SYNE2: variants seen among roughly 807,000 people sequenced by gnomAD.
SYNE2 encodes the protein spectrin repeat containing nuclear envelope protein 2, also known as nesprin-2.
SYNE2 carries 431 observed loss-of-function variants against 856.3 expected under a neutral mutation model. That is an observed-to-expected ratio of 0.50 (90% CI 0.47 to 0.55). The LOEUF (loss-of-function observed/expected upper bound fraction) is 0.55. Among genes scored for constraint, SYNE2 ranks in the 20% least tolerant of loss-of-function variants. The probability of loss-of-function intolerance (pLI) is 0.00; values close to 1 mark genes in which losing one functional copy is unlikely to be tolerated. For synonymous variants in SYNE2, 2,923 were observed against 2,872.3 expected, an observed-to-expected ratio of 1.02 and a Z score of -0.56; for missense variants, 8,129 against 8,023.2, an observed-to-expected ratio of 1.01 and a Z score of -0.50.
rs778592417 is a variant in SYNE2 at position 64,052,996 on chromosome 14, A to G, written c.9083A>G (p.Glu3028Gly). 6.2e-7 allele frequency: 1 copy of G among 1,611,542 alleles called. No individual in the cohort carries two copies. The highest frequency in any genetic ancestry group is 8.5e-7 in the Non-Finnish European group (1 of 1,179,550). ...TTACAAACCCAAGTATTTGAAAAAG[A>G]AAAGGAACTTGAAGAAAAAATTAAG... is the stretch of plus-strand genomic sequence containing the variant. The part of the protein sequence containing the change: ...DQLQTQVFEK[E>G]KELEEKIKQL... Residue 3028 changes from glutamate to glycine, a missense_variant, in exon 48 of 116, where the codon GAA (glutamate) becomes GGA (glycine). This residue lies in a region of SYNE2 where 5,410 missense variants were observed against 5,284.8 expected (regional missense o/e 1.02). Transcript: ENST00000555002.
At chr14:63,973,111 C>T (rs1029005984) in intron 11 of SYNE2, among the ~76,000 whole-genome samples, 2 of 151,892 alleles carry the variant, frequency 1.3e-5, no homozygotes, top group African/African-American at 2.4e-5. Flanking sequence ...CAAAAATTAG[C>T]CAAGCATGGT....
intron 53 of SYNE2, 131 bp from the exon 54 acceptor site, chr14:64,075,814 A>T (rs749155654): frequency 3.4e-6 from 3 of 891,136 alleles, no homozygotes; most frequent in Non-Finnish European, 5.5e-6. Context: ...AGCTTGTATC[A>T]CTAGTGGGGT....
chr14:63,916,340 T>C (rs1252023172), intron 2 of SYNE2, among the ~76,000 whole-genome samples: 1 of 152,210 alleles, frequency 6.6e-6, no homozygotes, highest in Non-Finnish European at 1.5e-5. Context: ...TGAAACAGTT[T>C]GGTCAGAACT....
rs1204279365 is a variant in SYNE2 at position 64,129,887 on chromosome 14, G to T, written c.14125G>T (p.Val4709Phe). 1 of 1,614,128 alleles carries T rather than the reference G, an allele frequency of 6.2e-7. No homozygotes were observed. The highest frequency in any genetic ancestry group is 8.5e-7 in the Non-Finnish European group (1 of 1,180,024). ...LHLPYALLQE[V>F]YKLEDVLDSM... ...TTTACCTTATGCTTTACTCCAGGAG[G>T]TTTACAAATTAGAGGTATGCCTGAG... Residue 4709 changes from valine (V) to phenylalanine (F), a missense_variant, in exon 75 of 116, where the codon GTT becomes TTT. Transcript: ENST00000555002.
chr14:63,875,076 TGTC>T (rs778920585), intron 1 of SYNE2, among the ~76,000 whole-genome samples: 22 of 152,160 alleles, frequency 1.4e-4, no homozygotes, highest in Non-Finnish European at 2.4e-4. Flanking sequence ...GTTGCTATGT[TGTC>T]CAGGCTGGAG....
chr14:63,876,250 A>C (rs980541663), intron 1 of SYNE2, among the ~76,000 whole-genome samples: 2 of 16,386 alleles, frequency 1.2e-4, no homozygotes, highest in Non-Finnish European at 3.0e-4. Flanking sequence ...CTATCTCTAC[A>C]AAAAAAAAAA....
chr14:64,106,856 G>A (rs7146727), intron 64 of SYNE2, among the ~76,000 whole-genome samples: 13,429 of 152,140 alleles, frequency 0.088, 1,106 homozygotes, highest in African/African-American at 0.22. Flanking sequence ...TGTTAGGGGT[G>A]ATACAAGGAT....
rs774218256 is a variant in SYNE2 at position 64,125,243 on chromosome 14, G to A, written c.13554+33G>A. 3.7e-6 allele frequency: 6 copies of A among 1,613,176 alleles called. No individual in the cohort carries two copies. The African/African-American group carries it at 6.7e-5, about 18-fold the overall frequency. On this transcript the variant is annotated intron_variant, in intron 71 of 115. Transcript: ENST00000555002. ...CTGCACACAATGTGTTTTCCTCATT[G>A]TAATAACATAAACAAAGGAGATATC...
intron 60 of SYNE2, 61 bp downstream of exon 60, chr14:64,091,109 G>T: frequency 2.0e-6 from 3 of 1,488,386 alleles, no homozygotes; most frequent in Non-Finnish European, 2.8e-6. Context: ...AAGCTGGTTT[G>T]GTTTTCACTT....
intron 97 of SYNE2, among the ~76,000 whole-genome samples, chr14:64,187,032 CTGA>C (rs2098495119): frequency 6.6e-6 from 1 of 152,150 alleles, no homozygotes; most frequent in African/African-American, 2.4e-5. Context: ...TCACAGGAAC[CTGA>C]TGTTTATTTC....
rs770408705 is a variant in SYNE2, at chr14:64,027,659, G to C, written c.6580G>C (p.Asp2194His). 1 of 1,614,102 alleles carries C rather than the reference G, an allele frequency of 6.2e-7. No homozygotes were observed. Among genetic ancestry groups the C allele is most frequent in the East Asian group, 2.2e-5 (1 of 44,860 alleles). The change falls in exon 43 of 116, where the codon GAT becomes CAT. Residue 2194 changes from aspartate to histidine, a missense_variant. Asp to His is a moderately conservative substitution (Grantham distance 81, BLOSUM62 -1). Transcript: ENST00000555002. ...TAAGAAATTCCTCAAGAAAGCCCAA[G>C]ATTTGACATCCTTGCTAAAGGAGTT... ...IYKKFLKKAQDLTSLLKELKS... is the reference protein window; with the variant it reads ...IYKKFLKKAQHLTSLLKELKS...
At chr14:63,888,546 G>A (rs34292510) in intron 1 of SYNE2, among the ~76,000 whole-genome samples, 9,315 of 152,242 alleles carry the variant, frequency 0.061, 302 homozygotes, top group Middle Eastern at 0.1. Flanking sequence ...ACAGCACAGA[G>A]CTAAAGCACA....
chr14:63,953,959 G>A (rs964382262), intron 7 of SYNE2, among the ~76,000 whole-genome samples: 1 of 152,042 alleles, frequency 6.6e-6, no homozygotes, highest in African/African-American at 2.4e-5. Flanking sequence ...TGTCACCCAG[G>A]CTGGAGTGCA....
chr14:64,048,103 A>C lies in SYNE2; in HGVS notation c.7325A>C (p.Gln2442Pro). The change falls in exon 46 of 116, where the codon CAA becomes CCA. Residue 2442 changes from glutamine to proline, a missense_variant. By Grantham distance (76) the Gln-to-Pro change is moderately conservative (BLOSUM62 -1). Around this residue, in one of 3 missense-constraint regions of SYNE2, gnomAD observed 5,410 missense variants for 5,284.8 expected, o/e 1.02. Coordinates refer to ENST00000555002, the MANE Select transcript of SYNE2 (RefSeq NM_182914.3). ...DERKVNELQN[Q>P]PLELDTMLRN... ...CGGAAAGTCAATGAGCTGCAAAATCAACCTTTAGAATTAGATACTATGTTA... is the reference window on the plus strand; with the variant it reads ...CGGAAAGTCAATGAGCTGCAAAATCCACCTTTAGAATTAGATACTATGTTA... 6.2e-7 allele frequency: 1 copy of C among 1,613,700 alleles called. No homozygotes were observed. Among genetic ancestry groups the C allele is most frequent in the Non-Finnish European group, 8.5e-7 (1 of 1,179,750 alleles).
chr14:63,861,528 T>C (rs1255561281), intron 1 of SYNE2, among the ~76,000 whole-genome samples: 7 of 148,754 alleles, frequency 4.7e-5, no homozygotes. Flanking sequence ...CTGTAGCATA[T>C]GCCTGTAATC....
rs777547599 is a variant in SYNE2 at position 64,056,192 on chromosome 14, T to C, written c.9993T>C (p.Tyr3331=). The part of the protein sequence containing the change: ...SSPEAKLQLQ[Y]TLQELVSKNS... ...CCGAAGCCAAACTACAACTTCAGTA[T>C]ACTTTACAGGAACTAGTTTCTAAGA... The change falls in exon 49 of 116, where the codon TAT becomes TAC. Residue 3331 remains tyrosine, a synonymous_variant. Coordinates refer to ENST00000555002, the MANE Select transcript of SYNE2 (RefSeq NM_182914.3). 6 of 1,614,106 alleles carry C rather than the reference T, an allele frequency of 3.7e-6. No individual in the cohort carries two copies. The highest frequency in any genetic ancestry group is 4.5e-5 in the East Asian group (2 of 44,888).
At chr14:63,784,914 T>C (rs1887457148) in intron 1 of SYNE2, among the ~76,000 whole-genome samples, 1 of 151,894 alleles carries the variant, frequency 6.6e-6, no homozygotes, top group Admixed American at 6.6e-5. Flanking sequence ...TGTTTATGTG[T>C]GTACATCTAC....
At chr14:63,906,281 T>A (rs7150540) in intron 1 of SYNE2, among the ~76,000 whole-genome samples, 4 of 151,904 alleles carry the variant, frequency 2.6e-5, no homozygotes, top group Non-Finnish European at 4.4e-5. Context: ...TAGTTGTGTC[T>A]TTGCCAAATT....
At chr14:64,056,346 T>C in intron 49 of SYNE2, 80 bp downstream of exon 49, 2 of 1,309,036 alleles carry the variant, frequency 1.5e-6, no homozygotes, top group Non-Finnish European at 2.1e-6. Flanking sequence ...TTAATAGTTT[T>C]AAGAACATAA....
Sources: gnomAD v4.1 joint callset for allele counts (sites outside exome capture counted in the v4.1 genomes callset) on GRCh38, gnomAD v4.1.1 for gene constraint, gnomAD v4.1.1 regional missense constraint, MANE v1.5 for transcripts, NCBI Gene and HGNC (gene_info 2026-07-23, HGNC 2026-07-21) for gene names.